Variants in C6 observed in about 807,000 individuals in gnomAD.
C6 encodes the protein complement component C6.
Under a neutral mutation model 112.9 loss-of-function variants are expected in C6, and 101 were observed. That is an observed-to-expected ratio of 0.89 (90% CI 0.76 to 1.06). The LOEUF is 1.06. Among genes scored for constraint, C6 ranks in the 50% least tolerant of loss-of-function variants. The pLI, the probability that C6 is intolerant of heterozygous loss-of-function variation, is 0.00. For synonymous variants in C6, 431 were observed against 384.1 expected, an observed-to-expected ratio of 1.12 and a Z score of -1.43; for missense variants, 1,202 against 1,104.6, an observed-to-expected ratio of 1.09 and a Z score of -1.25.
chr5:41,238,941 C>T (rs1740510821), intron 1 of C6, among the ~76,000 whole-genome samples: 1 of 151,882 alleles, frequency 6.6e-6, no homozygotes, highest in South Asian at 2.1e-4. Flanking sequence ...TAATAACATT[C>T]CTAAAAATCT....
chr5:41,200,996 A>C (rs1750991963), intron 3 of C6, among the ~76,000 whole-genome samples: 1 of 149,996 alleles, frequency 6.7e-6, no homozygotes, highest in Non-Finnish European at 1.5e-5. Context: ...GAGTACCAAC[A>C]TGATGCCACA....
intron 1 of C6, among the ~76,000 whole-genome samples, chr5:41,225,115 G>A (rs911699923): frequency 6.6e-6 from 1 of 152,236 alleles, no homozygotes; most frequent in Admixed American, 6.5e-5. Flanking sequence ...TGCACAACGT[G>A]CAGGTTTGTT....
chr5:41,236,644 C>A (rs1740326508), intron 1 of C6, among the ~76,000 whole-genome samples: 2 of 128,874 alleles, frequency 1.6e-5, no homozygotes, highest in South Asian at 2.9e-4. Context: ...AAAATTGACA[C>A]CCTAACATCT....
In C6 at chr5:41,181,494, A is replaced by C. The variant is rs771644662; in HGVS notation, c.792T>G (p.Asn264Lys). 2 of 1,613,672 alleles carry C rather than the reference A, an allele frequency of 1.2e-6. No homozygotes were observed. The highest frequency in any genetic ancestry group is 1.3e-5 in the African/African-American group (1 of 74,918). ...TTGAGAATGAGCCTTGTTGATTTTCATTGTGTCCAAGAGAAGTTAAATCCT... is the reference window on the plus strand; with the variant it reads ...TTGAGAATGAGCCTTGTTGATTTTCCTTGTGTCCAAGAGAAGTTAAATCCT... ...FYKDLTSLGH[N>K]ENQQGSFSSQ... Residue 264 changes from asparagine (N) to lysine (K), a missense_variant, in exon 7 of 18, where the codon AAT becomes AAG. Asn to Lys is a moderately conservative substitution (Grantham distance 94). Transcript: ENST00000337836.
Position 41,142,619 on chromosome 5 carries a change from T to C in C6, c.*206A>G. On this transcript the variant is annotated 3_prime_UTR_variant, in exon 18 of 18. Transcript: ENST00000337836. ...TGGAAGTTGGTACCTAGGGGTATGC[T>C]ACAGGGCGTCATGAGCTGGAACTGA... The C allele has an allele frequency of 3.3e-6, 2 of 600,786 alleles. No homozygotes were observed. Among genetic ancestry groups the C allele is most frequent in the Non-Finnish European group, 6.0e-6 (2 of 331,274 alleles). 37.2% of individuals were successfully genotyped at this position (600,786 alleles called of 1,614,324 possible). A position where few individuals can be genotyped will look rare whatever the true frequency, so the allele number is the denominator to read the frequency against.
Position 41,159,160 on chromosome 5 carries a change from G to A in C6, c.1778C>T (p.Ala593Val), listed in dbSNP as rs778566926. 8.7e-6 allele frequency: 14 copies of A among 1,613,410 alleles called. No individual in the cohort carries two copies. Among genetic ancestry groups the A allele is most frequent in the South Asian group, 5.5e-5 (5 of 91,052 alleles). The change falls in exon 12 of 18, where the codon GCC (alanine) becomes GTC (valine). Residue 593 changes from alanine (A) to valine (V), a missense_variant. Physicochemically the swap from Ala to Val is moderately conservative, Grantham distance 64. Transcript: ENST00000337836. ...ACAGCGTTTCCCTCCTCGTTGGGGG[G>A]CAGGATTATTGCATTCTCGGGTTCT... ...RSRTRECNNP[A>V]PQRGGKRCEG...
chr5:41,181,724 G>C (rs1209055334), intron 6 of C6, among the ~76,000 whole-genome samples, 165 bp from the exon 7 acceptor site: 1 of 152,174 alleles, frequency 6.6e-6, no homozygotes, highest in Non-Finnish European at 1.5e-5. Context: ...GCACTGAGGG[G>C]TTAATAGTTT....
chr5:41,238,337 G>A (rs1580242901), intron 1 of C6, among the ~76,000 whole-genome samples: 3 of 150,106 alleles, frequency 2.0e-5, no homozygotes, highest in African/African-American at 7.3e-5. Flanking sequence ...TATACTACAA[G>A]GCTACAGTAA....
intron 1 of C6, among the ~76,000 whole-genome samples, chr5:41,248,200 A>G (rs1456745358): frequency 6.6e-6 from 1 of 152,230 alleles, no homozygotes; most frequent in Admixed American, 6.5e-5. Flanking sequence ...TAAATGTAAC[A>G]ACTCAAAACT....
At chr5:41,205,942 A>T (rs1245737968) in intron 1 of C6, among the ~76,000 whole-genome samples, 1 of 152,216 alleles carries the variant, frequency 6.6e-6, no homozygotes, top group Non-Finnish European at 1.5e-5. Context: ...CTGACCCCCG[A>T]GTAGCCTAAC....
chr5:41,222,879 T>C lies in C6; in HGVS notation c.-20-19629A>G, dbSNP rs1345992361. ...CCACATGGCTAATTACAACGTTCAA[T>C]AGAAATTCATTTAGCCTTTTAAATG... On this transcript the variant is annotated intron_variant, in intron 1 of 17. Coordinates refer to the C6 transcript ENST00000263413. 2.6e-5 allele frequency among the ~76,000 whole-genome samples: 4 copies of C among 152,204 alleles called. No individual in the cohort carries two copies. In the East Asian group the frequency reaches 5.8e-4, roughly 22 times the overall value.
chr5:41,188,475 C>T (rs1331398454), intron 5 of C6, among the ~76,000 whole-genome samples: 1 of 151,968 alleles, frequency 6.6e-6, no homozygotes, highest in African/African-American at 2.4e-5. Flanking sequence ...ACCCATACAT[C>T]TATGGTCAAT....
intron 1 of C6, among the ~76,000 whole-genome samples, chr5:41,222,559 TG>T (rs1739246079): frequency 6.6e-6 from 1 of 152,082 alleles, no homozygotes; most frequent in South Asian, 2.1e-4. Flanking sequence ...CAAGTTTCCT[TG>T]GGGGGAAATA....
In C6 at chr5:41,155,055, A is replaced by C; in HGVS notation, c.2018T>G (p.Leu673Arg). 1 of 1,613,512 alleles carries C rather than the reference A, an allele frequency of 6.2e-7. No individual in the cohort carries two copies. The highest frequency in any genetic ancestry group is 1.3e-5 in the African/African-American group (1 of 75,036). Residue 673 changes from leucine (L) to arginine (R), a missense_variant, in exon 14 of 18, where the codon CTT becomes CGT. By Grantham distance (102) the Leu-to-Arg change is moderately radical (BLOSUM62 -2). Coordinates refer to ENST00000337836, the MANE Select transcript of C6 (RefSeq NM_000065.5). ...GTATCCAACAGTTTCAAAGCCAGTA[A>C]GGCATGAAATTTCAACATCTTCTCC... is the stretch of plus-strand genomic sequence containing the variant. Reference protein sequence around the residue: ...LVGEDVEISCLTGFETVGYQY... With the variant: ...LVGEDVEISCRTGFETVGYQY...
chr5:41,253,453 C>T (rs996859395), intron 1 of C6, among the ~76,000 whole-genome samples: 4 of 152,188 alleles, frequency 2.6e-5, no homozygotes, highest in Middle Eastern at 3.2e-3. Flanking sequence ...TACATCCTTA[C>T]AGTCCCAAGT....
rs1426255020 is a variant in C6 at position 41,172,163 on chromosome 5, T to C, written c.1291+62A>G. 3 of 1,543,398 alleles carry C rather than the reference T, an allele frequency of 1.9e-6. No homozygotes were observed. The African/African-American group carries it at 4.1e-5, about 21-fold the overall frequency. On this transcript the variant is annotated intron_variant, in intron 9 of 17. Transcript: ENST00000337836. ...AATAGCACAGTCACATCCAATATGG[T>C]CTGTAAATGACAGCCAGGCTCAGGG... is the stretch of plus-strand genomic sequence containing the variant.
At chr5:41,211,170 A>G (rs11750411) in intron 1 of C6, among the ~76,000 whole-genome samples, 15,695 of 152,096 alleles carry the variant, frequency 0.1, 775 homozygotes, top group African/African-American at 0.12. Context: ...TCTCACTTAT[A>G]GGTGGGAATT....
At chr5:41,211,195 C>G (rs1751893422) in intron 1 of C6, among the ~76,000 whole-genome samples, 1 of 151,984 alleles carries the variant, frequency 6.6e-6, no homozygotes, top group Non-Finnish European at 1.5e-5. Context: ...AATGAGAACA[C>G]TTGGACACAG....
At chr5:41,260,542 G>C (rs1290149017) in intron 1 of C6, among the ~76,000 whole-genome samples, 1 of 151,750 alleles carries the variant, frequency 6.6e-6, no homozygotes, top group Non-Finnish European at 1.5e-5. Context: ...GGCCGAGGCG[G>C]TCGTATCACC....
Sources: gnomAD v4.1 joint callset for allele counts (sites outside exome capture counted in the v4.1 genomes callset) on GRCh38, gnomAD v4.1.1 for gene constraint, MANE v1.5 for transcripts, NCBI Gene and HGNC (gene_info 2026-07-23, HGNC 2026-07-21) for gene names.